The following DMD variants were observed in gnomAD, a reference collection of about 807,000 sequenced individuals.
The protein encoded by DMD is dystrophin.
A neutral mutation model predicts 330.1 loss-of-function variants in DMD; 63 were observed. That is an observed-to-expected ratio of 0.19 (90% CI 0.16 to 0.24). DMD has a LOEUF of 0.24. DMD is among the 10% of genes least tolerant of loss of function. The pLI is 1.00. For synonymous variants in DMD, 1,223 were observed against 959.8 expected (o/e 1.27, Z -5.07); for missense variants, 3,344 against 2,684.1 (o/e 1.25, Z -5.43).
chrX:31,635,229 T>C (rs2079346442), intron 54 of DMD, among the ~76,000 whole-genome samples: 1 of 112,238 alleles, frequency 8.9e-6, no homozygotes, highest in Non-Finnish European at 1.9e-5. Flanking sequence ...AAATTCTCAA[T>C]GATTTGTATA....
Position 31,219,740 on chromosome X carries a change from C to T in DMD, c.9361+3307G>A, listed in dbSNP as rs191933415. 1.5e-3 allele frequency among the ~76,000 whole-genome samples: 159 copies of T among 109,434 alleles called. 1 individual carries two copies. The highest frequency in any genetic ancestry group is 5.2e-3 in the African/African-American group (155 of 29,981). Reference sequence around the variant, plus strand: ...TCATACTCATATAAATACATTCCCACGAATACTATATGTTTGGCCTGCATT... The same window carrying T: ...TCATACTCATATAAATACATTCCCATGAATACTATATGTTTGGCCTGCATT... On this transcript the variant is annotated intron_variant, in intron 64 of 78. Transcript: ENST00000357033.
intron 18 of DMD, among the ~76,000 whole-genome samples, chrX:32,513,550 T>A (rs1271305619): frequency 8.9e-6 from 1 of 111,963 alleles, no homozygotes; most frequent in Non-Finnish European, 1.9e-5. Context: ...GACTTGTGAA[T>A]GGTAGAAGAA....
intron 7 of DMD, among the ~76,000 whole-genome samples, chrX:32,743,081 CTT>C (rs1202581270): frequency 9.0e-6 from 1 of 111,378 alleles, no homozygotes; most frequent in Non-Finnish European, 1.9e-5. Context: ...TCCTGCATCT[CTT>C]TGCCTACTGG....
intron 1 of DMD, among the ~76,000 whole-genome samples, chrX:33,260,815 G>T (rs1444514283): frequency 9.0e-6 from 1 of 111,092 alleles, no homozygotes; most frequent in African/African-American, 3.3e-5. Flanking sequence ...AGGTTGTAAG[G>T]TACTGTAGTA....
chrX:32,171,248 T>G (rs1006674789), intron 44 of DMD, among the ~76,000 whole-genome samples: 3 of 111,845 alleles, frequency 2.7e-5, no homozygotes, highest in African/African-American at 9.7e-5. Context: ...CCTTATATAC[T>G]AAAGTGAGTA....
chrX:31,972,227 T>C (rs2095404790), intron 44 of DMD, among the ~76,000 whole-genome samples: 1 of 111,685 alleles, frequency 9.0e-6, no homozygotes, highest in Non-Finnish European at 1.9e-5. Flanking sequence ...TCAAAAGCTG[T>C]TCCTAAATTA....
chrX:31,198,666 A>G (rs1384970403), intron 67 of DMD, among the ~76,000 whole-genome samples: 1 of 112,411 alleles, frequency 8.9e-6, no homozygotes, highest in East Asian at 2.8e-4. Flanking sequence ...TACAATGGCT[A>G]CAGTGTCACA....
intron 1 of DMD, among the ~76,000 whole-genome samples, chrX:33,133,754 C>T (rs1320257670): frequency 8.9e-6 from 1 of 112,059 alleles, no homozygotes; most frequent in African/African-American, 3.2e-5. Flanking sequence ...CAGCTGGCAG[C>T]ATTTTTTCCA....
intron 50 of DMD, among the ~76,000 whole-genome samples, chrX:31,806,422 A>G (rs1442376587): frequency 1.8e-5 from 2 of 112,210 alleles, no homozygotes; most frequent in Admixed American, 1.9e-4. Context: ...CTTCATTCTT[A>G]AGGGAAATTT....
At chrX:32,808,639 T>C (rs1411298740) in intron 7 of DMD, among the ~76,000 whole-genome samples, 1 of 111,816 alleles carries the variant, frequency 8.9e-6, no homozygotes, top group Non-Finnish European at 1.9e-5. Flanking sequence ...GTTTTGGAAT[T>C]GATGAAATCG....
intron 61 of DMD, among the ~76,000 whole-genome samples, chrX:31,338,920 A>G (rs1273934816): frequency 1.2e-5 from 1 of 85,048 alleles, no homozygotes; most frequent in Non-Finnish European, 2.2e-5. Context: ...TAAATTAGTC[A>G]TTTCTGGGAA....
chrX:32,410,798 T>G (rs1022907989), intron 30 of DMD, among the ~76,000 whole-genome samples: 2 of 112,583 alleles, frequency 1.8e-5, no homozygotes, highest in African/African-American at 6.4e-5. Context: ...ATTTTAAAAA[T>G]ACTTCTTACA....
intron 43 of DMD, among the ~76,000 whole-genome samples, chrX:32,259,504 A>G (rs903442282): frequency 9.1e-6 from 1 of 110,306 alleles, no homozygotes; most frequent in Non-Finnish European, 1.9e-5. Context: ...CATATATAAA[A>G]TTATTGGTAT....
intron 1 of DMD, among the ~76,000 whole-genome samples, chrX:33,280,474 G>T (rs1275305539): frequency 1.8e-5 from 2 of 111,340 alleles, no homozygotes; most frequent in Non-Finnish European, 1.9e-5. Context: ...TTAGATCAAG[G>T]TGTTTTTTGT....
At chrX:31,166,078 C>G (rs1447211597) in intron 74 of DMD, among the ~76,000 whole-genome samples, 1 of 112,100 alleles carries the variant, frequency 8.9e-6, no homozygotes, top group Admixed American at 9.5e-5. Context: ...AGGCTTTTCT[C>G]TACGAAATTA....
chrX:31,898,921 C>T (rs2094385893), intron 47 of DMD, among the ~76,000 whole-genome samples: 1 of 111,639 alleles, frequency 9.0e-6, no homozygotes, highest in South Asian at 3.7e-4. Context: ...GTGAAGGTTG[C>T]CATTTAGTTA....
intron 1 of DMD, among the ~76,000 whole-genome samples, chrX:33,081,340 C>A (rs2094927066): frequency 8.9e-6 from 1 of 112,002 alleles, no homozygotes; most frequent in African/African-American, 3.2e-5. Flanking sequence ...GTGGTGCTAT[C>A]TCAGCTCACT....
intron 43 of DMD, among the ~76,000 whole-genome samples, chrX:32,239,647 C>A (rs2097200761): frequency 9.0e-6 from 1 of 110,755 alleles, no homozygotes; most frequent in South Asian, 4.2e-4. Context: ...AGAGTAGTTT[C>A]ATTGCTCTAA....
intron 2 of DMD, among the ~76,000 whole-genome samples, chrX:33,008,062 GTC>G (rs374720299): frequency 2.7e-5 from 3 of 111,343 alleles, no homozygotes; most frequent in African/African-American, 9.7e-5. Context: ...TAATGAAAAG[GTC>G]TCTTAGTTTG....
Sources: allele counts gnomAD v4.1 joint callset (sites outside exome capture counted in the v4.1 genomes callset), GRCh38; gene constraint gnomAD v4.1.1; transcripts MANE v1.5; gene names NCBI Gene and HGNC (gene_info 2026-07-23, HGNC 2026-07-21).